The following CAMK1G variants were observed in gnomAD, a reference collection of about 807,000 sequenced individuals.
The protein encoded by CAMK1G is calcium/calmodulin-dependent protein kinase type 1G.
In CAMK1G, 27 loss-of-function variants were observed where a neutral mutation model predicts 54.8. The observed-to-expected ratio is 0.49, with a 90% CI of 0.36 to 0.68. The LOEUF is 0.68. Ranked by LOEUF, CAMK1G falls within the 30% of genes least tolerant of loss-of-function variation. CAMK1G has a pLI of 0.00. For missense variants in CAMK1G, 512 were observed against 591.0 expected (o/e 0.87, Z 1.39); for synonymous variants, 238 against 224.9 (o/e 1.06, Z -0.52).
Position 209,603,202 on chromosome 1 carries a change from T to A in CAMK1G, c.222-12T>A, listed in dbSNP as rs1190278835. The A allele has an allele frequency of 6.2e-7, 1 of 1,614,094 alleles. No homozygotes were observed. Among genetic ancestry groups the A allele is most frequent in the Admixed American group, 1.7e-5 (1 of 60,022 alleles). ...ACCACATACCTTTCATCATGCACTT[T>A]ATTTTTCCCAGGATCAAGCATGAAA... On this transcript the variant is annotated splice_polypyrimidine_tract_variant and intron_variant, in intron 3 of 12. Transcript: ENST00000361322.
intron 1 of CAMK1G, among the ~76,000 whole-genome samples, chr1:209,586,137 C>G (rs1665095207): frequency 6.6e-6 from 1 of 152,206 alleles, no homozygotes. Context: ...GATCCTTCCT[C>G]TCCCCTTCTG....
rs368036491 is a variant in CAMK1G at position 209,608,968 on chromosome 1, G to A, written c.636-12G>A. On this transcript the variant is annotated splice_polypyrimidine_tract_variant and intron_variant, in intron 7 of 12. Transcript: ENST00000361322. ...TTGTTCAGTAGTATGCCTCCTTCCT[G>A]TCCTGCTGCAGGCTCTGTGGATACC... The A allele has an allele frequency of 1.2e-6, 2 of 1,613,908 alleles. No individual in the cohort carries two copies. The highest frequency in any genetic ancestry group is 1.7e-6 in the Non-Finnish European group (2 of 1,179,944).
chr1:209,612,846 G>A lies in CAMK1G; in HGVS notation c.1402G>A (p.Gly468Arg). Residue 468 changes from glycine to arginine, a missense_variant, in exon 12 of 13, where the codon GGG (glycine) becomes AGG (arginine). Around this residue, in one of 3 missense-constraint regions of CAMK1G, gnomAD observed 315 missense variants for 330.5 expected, o/e 0.95. Coordinates refer to ENST00000361322, the MANE Select transcript of CAMK1G (RefSeq NM_020439.3). ...KASGSSHCRA[G>R]QTGVCLIM is the part of the protein sequence containing the mutation. ...CAGTGGCAGCTCCCACTGCCGGGCA[G>A]GGCAGACTGGAGTCTGTCTCATTAT... 6.2e-7 allele frequency: 1 copy of A among 1,613,628 alleles called. No individual in the cohort carries two copies. Among genetic ancestry groups the A allele is most frequent in the African/African-American group, 1.3e-5 (1 of 75,062 alleles).
At position 209,612,072 on chromosome 1, in the gene CAMK1G, T is replaced by G. The variant is rs1299550480; in HGVS notation, c.1196T>G (p.Ile399Ser). 6.2e-7 allele frequency: 1 copy of G among 1,614,100 alleles called. No individual in the cohort carries two copies. The highest frequency in any genetic ancestry group is 8.5e-7 in the Non-Finnish European group (1 of 1,180,032). Residue 399 changes from isoleucine (I) to serine (S), a missense_variant, in exon 11 of 13, where the codon ATC becomes AGC. By Grantham distance (142) the Ile-to-Ser change is moderately radical (BLOSUM62 -2). Transcript: ENST00000361322. ...TGCCTGGTCAATGGCTCCCTCCACA[T>G]CAGCAGCAGCCTGGTGCCCATGCAT... The part of the protein sequence containing the change: ...LNCLVNGSLH[I>S]SSSLVPMHQG...
chr1:209,600,765 A>G (rs1665507858), intron 3 of CAMK1G, among the ~76,000 whole-genome samples: 1 of 152,264 alleles, frequency 6.6e-6, no homozygotes, highest in Admixed American at 6.5e-5. Flanking sequence ...TTGCCTATGC[A>G]TATGTTTTTA....
chr1:209,612,546 G>A (rs767187947), intron 11 of CAMK1G, among the ~76,000 whole-genome samples: 4 of 152,232 alleles, frequency 2.6e-5, no homozygotes, highest in Admixed American at 6.5e-5. Flanking sequence ...AGAAAACTGG[G>A]TATTTGCAAG....
intron 1 of CAMK1G, among the ~76,000 whole-genome samples, chr1:209,587,140 C>T (rs1191317785): frequency 6.6e-6 from 1 of 151,882 alleles, no homozygotes. Flanking sequence ...CTTCCTGAAG[C>T]CTTTAGGTTC....
At chr1:209,600,761 A>G (rs1312709168) in intron 3 of CAMK1G, among the ~76,000 whole-genome samples, 1 of 152,270 alleles carries the variant, frequency 6.6e-6, no homozygotes, top group Admixed American at 6.5e-5. Flanking sequence ...CATTTTGCCT[A>G]TGCATATGTT....
rs1312070696 is a variant in CAMK1G, at chr1:209,594,455, C to T, written c.-29-500C>T. Among the ~76,000 whole-genome samples the T allele has an allele frequency of 4.6e-5, 7 of 152,252 alleles. No individual in the cohort carries two copies. The East Asian group carries it at 1.3e-3, about 29-fold the overall frequency. On this transcript the variant is annotated intron_variant, in intron 1 of 12. Transcript: ENST00000361322. Reference sequence around the variant, plus strand: ...TTCGTGAATAACTATTTGCCCAGCACTGTGCTAAATGTTGTAGGAGTTACA... The same window carrying T: ...TTCGTGAATAACTATTTGCCCAGCATTGTGCTAAATGTTGTAGGAGTTACA...
chr1:209,609,410 C>T (rs905909100), intron 8 of CAMK1G, among the ~76,000 whole-genome samples: 1 of 152,258 alleles, frequency 6.6e-6, no homozygotes, highest in East Asian at 1.9e-4. Flanking sequence ...AGCAGCAAAA[C>T]TAAGGGGTTA....
chr1:209,584,584 C>A (rs1375077207), intron 1 of CAMK1G, among the ~76,000 whole-genome samples: 1 of 152,194 alleles, frequency 6.6e-6, no homozygotes, highest in East Asian at 1.9e-4. Flanking sequence ...CTTCTCTCCA[C>A]GTAACTTTGA....
At chr1:209,607,045 G>C (rs777891675) in intron 6 of CAMK1G, among the ~76,000 whole-genome samples, 34 of 152,310 alleles carry the variant, frequency 2.2e-4, no homozygotes, top group Admixed American at 3.9e-4. Flanking sequence ...GGATCTACAG[G>C]AGACAAAGTT....
chr1:209,605,102 T>C lies in CAMK1G; in HGVS notation c.297-434T>C, dbSNP rs187263417. Among the ~76,000 whole-genome samples, 343 of 152,292 alleles carry C rather than the reference T, an allele frequency of 2.3e-3. 2 individuals carry two copies. In the Middle Eastern group the frequency reaches 0.024, roughly 11 times the overall value. ...ATTTCCCAAAATGAGAAGAGAAATC[T>C]TGATATAAGTACGGTTAGTCTCACT... is the stretch of plus-strand genomic sequence containing the variant. On this transcript the variant is annotated intron_variant, in intron 4 of 12. Transcript: ENST00000361322.
At position 209,611,551 on chromosome 1, in the gene CAMK1G, G is replaced by C. The variant is rs1301867762; in HGVS notation, c.914G>C (p.Arg305Thr). 1 of 1,613,406 alleles carries C rather than the reference G, an allele frequency of 6.2e-7. No homozygotes were observed. Among genetic ancestry groups the C allele is most frequent in the Non-Finnish European group, 8.5e-7 (1 of 1,179,356 alleles). ...IQKNFAKSKWRQAFNAAAVVH... is the reference protein window; with the variant it reads ...IQKNFAKSKWTQAFNAAAVVH... ...AAGAACTTTGCTAAGAGCAAGTGGA[G>C]GGTAAGCTGTCCTCTCCAGGGGGTG... The change falls in exon 10 of 13, where the codon AGG becomes ACG. Residue 305 changes from arginine (R) to threonine (T), a missense_variant and splice_region_variant. Arg to Thr is a moderately conservative substitution (Grantham distance 71). Around this residue, in one of 3 missense-constraint regions of CAMK1G, gnomAD observed 315 missense variants for 330.5 expected, o/e 0.95. Transcript: ENST00000361322.
chr1:209,588,304 T>C (rs1483231672), intron 1 of CAMK1G, among the ~76,000 whole-genome samples: 1 of 152,198 alleles, frequency 6.6e-6, no homozygotes, highest in Non-Finnish European at 1.5e-5. Context: ...GTTCCTACAC[T>C]GTACACACAT....
At chr1:209,602,308 A>C (rs984640785) in intron 3 of CAMK1G, among the ~76,000 whole-genome samples, 2 of 152,158 alleles carry the variant, frequency 1.3e-5, no homozygotes, top group Non-Finnish European at 2.9e-5. Context: ...AGATATTGCC[A>C]AATGTTCCCT....
chr1:209,590,908 G>A (rs1365559024), intron 1 of CAMK1G, among the ~76,000 whole-genome samples: 1 of 152,002 alleles, frequency 6.6e-6, no homozygotes, highest in African/African-American at 2.4e-5. Flanking sequence ...CTTTAAACCT[G>A]ATAAGATTAA....
At chr1:209,609,754 A>T (rs1665737476) in intron 8 of CAMK1G, 97 bp from the exon 9 acceptor site, 1 of 1,188,916 alleles carries the variant, frequency 8.4e-7, no homozygotes, top group South Asian at 1.2e-5. Context: ...AAGATCAGCT[A>T]AAGATGCATT....
Position 209,609,018 on chromosome 1 carries a change from C to T in CAMK1G, c.674C>T (p.Ser225Phe), listed in dbSNP as rs776077217. The T allele has an allele frequency of 3.3e-5, 54 of 1,614,016 alleles. No individual in the cohort carries two copies. Among genetic ancestry groups the T allele is most frequent in the Non-Finnish European group, 4.2e-5 (49 of 1,180,018 alleles). Residue 225 changes from serine to phenylalanine, a missense_variant, in exon 8 of 13, where the codon TCT becomes TTT. Ser to Phe is a radical substitution (Grantham distance 155). Coordinates refer to ENST00000361322, the MANE Select transcript of CAMK1G (RefSeq NM_020439.3). ...GYPPFYEETE[S>F]KLFEKIKEGY... ...CCCCCATTCTATGAAGAAACGGAGT[C>T]TAAGCTTTTCGAGAAGATCAAGGAG...
Sources: gnomAD v4.1 joint callset for allele counts (sites outside exome capture counted in the v4.1 genomes callset) on GRCh38, gnomAD v4.1.1 for gene constraint, gnomAD v4.1.1 regional missense constraint, MANE v1.5 for transcripts, NCBI Gene and HGNC (gene_info 2026-07-23, HGNC 2026-07-21) for gene names.